ECPAS: variants seen among roughly 807,000 people sequenced by gnomAD.
The protein encoded by ECPAS is Ecm29 proteasome adaptor and scaffold, also known as proteasome adapter and scaffold protein ECM29.
In ECPAS, 70 loss-of-function variants were observed where a neutral mutation model predicts 255.1. The ratio of observed to expected loss-of-function variants is 0.27; its 90% CI spans 0.23 to 0.33. The LOEUF (loss-of-function observed/expected upper bound fraction) is 0.33. ECPAS is among the 10% of genes least tolerant of loss of function. The pLI is 1.00. For missense variants in ECPAS, 1,817 were observed against 2,206.4 expected (o/e 0.82, Z 3.54); for synonymous variants, 784 against 775.0 (o/e 1.01, Z -0.19).
At chr9:111,410,018 G>GA in intron 23 of ECPAS, 23 bp downstream of exon 23, 3 of 1,533,040 alleles carry the variant, frequency 2.0e-6, no homozygotes, top group Non-Finnish European at 1.8e-6. Context: ...TCCAGAAAGG[G>GA]AAAAAATAAG....
chr9:111,407,432 A>AAAAAAAAAC (rs2098186587), intron 24 of ECPAS, among the ~76,000 whole-genome samples: 1 of 142,850 alleles, frequency 7.0e-6, no homozygotes, highest in Non-Finnish European at 1.6e-5. Flanking sequence ...AAAAAAAAAA[A>AAAAAAAAAC]AAAAAACCTA....
At chr9:111,413,075 A>G (rs988857711) in intron 20 of ECPAS, among the ~76,000 whole-genome samples, 2 of 152,192 alleles carry the variant, frequency 1.3e-5, no homozygotes, top group Admixed American at 6.5e-5. Flanking sequence ...ACCCTCATAC[A>G]TGACTGTTAG....
chr9:111,406,349 G>C (rs1043140187), intron 24 of ECPAS, among the ~76,000 whole-genome samples: 1 of 149,718 alleles, frequency 6.7e-6, no homozygotes, highest in South Asian at 2.1e-4. Context: ...GTGGTTACCA[G>C]AGGCCAGGAA....
At chr9:111,463,938 A>T (rs1363217764) in intron 2 of ECPAS, among the ~76,000 whole-genome samples, 1 of 152,164 alleles carries the variant, frequency 6.6e-6, no homozygotes, top group East Asian at 1.9e-4. Flanking sequence ...TCTGCCATTC[A>T]AGAAGCCCAT....
chr9:111,410,133 G>A lies in ECPAS; in HGVS notation c.2458C>T (p.Leu820Phe). Reference sequence around the variant, plus strand: ...CCAGATCCCTCACTGGGGATTGGAAGTGGACCATTTCTGCCAATTTCACCC... The same window carrying A: ...CCAGATCCCTCACTGGGGATTGGAAATGGACCATTTCTGCCAATTTCACCC... The part of the protein sequence containing the change: ...ALGEIGRNGP[L>F]PIPSEGSGFT... Residue 820 changes from leucine to phenylalanine, a missense_variant, in exon 23 of 50, where the codon CTT (leucine) becomes TTT (phenylalanine). Coordinates refer to ENST00000684092, the MANE Select transcript of ECPAS (RefSeq NM_001364929.1). 6.2e-7 allele frequency: 1 copy of A among 1,611,628 alleles called. No homozygotes were observed. Among genetic ancestry groups the A allele is most frequent in the Non-Finnish European group, 8.5e-7 (1 of 1,178,968 alleles).
rs1352145534 is a variant in ECPAS at position 111,397,107 on chromosome 9, C to A, written c.2699G>T (p.Ser900Ile). Residue 900 changes from serine to isoleucine, a missense_variant, in exon 25 of 50, where the codon AGT (serine) becomes ATT (isoleucine). Around this residue, in one of 4 missense-constraint regions of ECPAS, gnomAD observed 960 missense variants for 1,179.0 expected, o/e 0.81. Transcript: ENST00000684092. ...CACAGAACTAGTTCCTATTGCAGCACTGGTAATGGCTTCGCCAATAGTGAA... is the reference window on the plus strand; with the variant it reads ...CACAGAACTAGTTCCTATTGCAGCAATGGTAATGGCTTCGCCAATAGTGAA... Reference protein sequence around the residue: ...LQFTIGEAITSAAIGTSSVAA... With the variant: ...LQFTIGEAITIAAIGTSSVAA... 6.2e-7 allele frequency: 1 copy of A among 1,613,796 alleles called. No individual in the cohort carries two copies. The highest frequency in any genetic ancestry group is 8.5e-7 in the Non-Finnish European group (1 of 1,179,814).
chr9:111,473,810 T>C (rs1204416589), intron 1 of ECPAS, among the ~76,000 whole-genome samples: 2 of 151,562 alleles, frequency 1.3e-5, no homozygotes, highest in Admixed American at 1.3e-4. Context: ...CTACAGAAAA[T>C]ACAAAAATTA....
chr9:111,422,208 A>C lies in ECPAS; in HGVS notation c.1266-8T>G. On this transcript the variant is annotated splice_region_variant and splice_polypyrimidine_tract_variant and intron_variant, in intron 13 of 49. Transcript: ENST00000684092. ...AATAAATGTGGCATCCGACTGCAAA[A>C]GAATGTAAAAATATTGTTACTATCA... 6.2e-7 allele frequency: 1 copy of C among 1,611,252 alleles called. No homozygotes were observed. The highest frequency in any genetic ancestry group is 8.5e-7 in the Non-Finnish European group (1 of 1,178,244).
chr9:111,473,050 G>A (rs2098291133), intron 1 of ECPAS, 50 bp from the exon 2 acceptor site: 3 of 459,050 alleles, frequency 6.5e-6, no homozygotes, highest in South Asian at 8.2e-5. Context: ...TATATGCATA[G>A]CTACAATTTT....
intron 12 of ECPAS, among the ~76,000 whole-genome samples, chr9:111,424,256 C>T (rs2098218287): frequency 2.6e-5 from 4 of 152,344 alleles, no homozygotes; most frequent in South Asian, 4.1e-4. Flanking sequence ...TACCTACTAA[C>T]GTGCCTTGAC....
chr9:111,449,473 T>C (rs1427382893), intron 3 of ECPAS, among the ~76,000 whole-genome samples: 1 of 152,120 alleles, frequency 6.6e-6, no homozygotes, highest in Non-Finnish European at 1.5e-5. Flanking sequence ...CATCATGTTG[T>C]AAACGTCAAA....
At position 111,418,004 on chromosome 9, in the gene ECPAS, C is replaced by T. The variant is rs752607930; in HGVS notation, c.1562G>A (p.Arg521His). 6.3e-6 allele frequency: 10 copies of T among 1,581,402 alleles called. No individual in the cohort carries two copies. In the South Asian group the frequency reaches 1.1e-4, roughly 17 times the overall value. ...TTGTGCTTCTCCATGAACTTCTTCA[C>T]GTCTTTCAGAAAAAGACAAATAAGA... ...YLLLLAAGDP[R>H]EEVHGEAQRV... Residue 521 changes from arginine to histidine, a missense_variant and splice_region_variant, in exon 17 of 50, where the codon CGT becomes CAT. This residue lies in a region of ECPAS where 573 missense variants were observed against 716.2 expected (regional missense o/e 0.80). Transcript: ENST00000684092.
At chr9:111,430,340 G>A in intron 9 of ECPAS, among the ~76,000 whole-genome samples, 1 of 152,132 alleles carries the variant, frequency 6.6e-6, no homozygotes, top group Admixed American at 6.5e-5. Context: ...GTTTGTCATT[G>A]TTATTTAGGA....
chr9:111,480,793 G>A (rs1299416626), intron 1 of ECPAS, among the ~76,000 whole-genome samples: 2 of 152,148 alleles, frequency 1.3e-5, no homozygotes, highest in Non-Finnish European at 2.9e-5. Context: ...GCTGATGACT[G>A]ACAATTTAAC....
intron 35 of ECPAS, among the ~76,000 whole-genome samples, chr9:111,379,567 G>C (rs886507444): frequency 1.3e-5 from 2 of 152,140 alleles, no homozygotes; most frequent in African/African-American, 4.8e-5. Context: ...AATGAAGTTC[G>C]CTGCATCAAT....
At chr9:111,393,862 T>C in intron 26 of ECPAS, 128 bp from the exon 27 acceptor site, 1 of 744,928 alleles carries the variant, frequency 1.3e-6, no homozygotes, top group Non-Finnish European at 2.2e-6. Flanking sequence ...TGTTTTGCTC[T>C]CATCTTTACA....
chr9:111,468,938 A>T (rs2098282899), intron 2 of ECPAS, among the ~76,000 whole-genome samples: 2 of 152,146 alleles, frequency 1.3e-5, no homozygotes, highest in African/African-American at 4.8e-5. Flanking sequence ...TTTCTGGTAG[A>T]TCAATCCTGT....
At chr9:111,411,492 C>T (rs2098194376) in intron 21 of ECPAS, among the ~76,000 whole-genome samples, 3 of 152,226 alleles carry the variant, frequency 2.0e-5, no homozygotes, top group Non-Finnish European at 4.4e-5. Context: ...AATATCATAA[C>T]TTTCACACAT....
intron 1 of ECPAS, among the ~76,000 whole-genome samples, chr9:111,478,068 T>C (rs557918448): frequency 6.6e-6 from 1 of 151,856 alleles, no homozygotes; most frequent in Admixed American, 6.6e-5. Flanking sequence ...ACCCAGCTAA[T>C]TTTTATATTT....
Sources: allele counts gnomAD v4.1 joint callset (sites outside exome capture counted in the v4.1 genomes callset), GRCh38; gene constraint gnomAD v4.1.1; regional missense constraint gnomAD v4.1.1; transcripts MANE v1.5; gene names NCBI Gene and HGNC (gene_info 2026-07-23, HGNC 2026-07-21).